The following TTLL5 variants were observed in gnomAD, a reference collection of about 807,000 sequenced individuals.
The protein encoded by TTLL5 is tubulin polyglutamylase TTLL5.
Under a neutral mutation model 168.4 loss-of-function variants are expected in TTLL5, and 132 were observed. The ratio of observed to expected loss-of-function variants is 0.78; its 90% CI spans 0.68 to 0.91. The LOEUF (loss-of-function observed/expected upper bound fraction) is 0.91. Among genes scored for constraint, TTLL5 ranks in the 40% least tolerant of loss-of-function variants. TTLL5 has a pLI of 0.00. For synonymous variants in TTLL5, 546 were observed against 558.6 expected, an observed-to-expected ratio of 0.98 and a Z score of 0.32; for missense variants, 1,545 against 1,581.5, an observed-to-expected ratio of 0.98 and a Z score of 0.39.
intron 31 of TTLL5, among the ~76,000 whole-genome samples, chr14:75,949,916 G>A (rs2034905243): frequency 6.6e-6 from 1 of 151,648 alleles, no homozygotes; most frequent in East Asian, 1.9e-4. Context: ...AAATTGATTT[G>A]TATATTTGAG....
chr14:75,685,010 A>G (rs1446686243), intron 5 of TTLL5: 2 of 152,222 alleles, frequency 1.3e-5, no homozygotes, highest in East Asian at 3.8e-4. Context: ...TTTTACTGAC[A>G]GAGCTTTTCC....
chr14:75,848,884 AG>A (rs1411249799), intron 28 of TTLL5, among the ~76,000 whole-genome samples: 2 of 152,180 alleles, frequency 1.3e-5, no homozygotes, highest in Non-Finnish European at 2.9e-5. Flanking sequence ...GCTTGCTCCC[AG>A]GGTCTCTGCC....
intron 3 of TTLL5, among the ~76,000 whole-genome samples, chr14:75,676,204 G>C (rs897682226): frequency 7.2e-5 from 11 of 152,112 alleles, no homozygotes; most frequent in Non-Finnish European, 1.6e-4. Flanking sequence ...CTCTTCTGGA[G>C]ACATCCTCAC....
chr14:75,839,751 A>G lies in TTLL5; in HGVS notation c.3326+19590A>G, dbSNP rs565322476. ...TGAGATTTGGGGAGGGGCACAACCA[A>G]ATCATATCACCATCCTAACGGGTGT... is the stretch of plus-strand genomic sequence containing the variant. On this transcript the variant is annotated intron_variant, in intron 28 of 31. Transcript: ENST00000298832. Among the ~76,000 whole-genome samples, 6 of 152,324 alleles carry G rather than the reference A, an allele frequency of 3.9e-5. No homozygotes were observed. The East Asian group carries it at 7.7e-4, about 20-fold the overall frequency.
rs115663494 is a variant in TTLL5, at chr14:75,717,492, T to C, written c.741-369T>C. 3.9e-3 allele frequency among the ~76,000 whole-genome samples: 599 copies of C among 152,320 alleles called. 4 individuals are homozygous for C. Among genetic ancestry groups the C allele is most frequent in the African/African-American group, 0.013 (555 of 41,566 alleles). On this transcript the variant is annotated intron_variant, in intron 9 of 31. Transcript: ENST00000298832. Reference sequence around the variant, plus strand: ...CAATTTCCCAGGTTGTAAATAGCTATATTTTCAATTTTCATTCTTCCTATT... The same window carrying C: ...CAATTTCCCAGGTTGTAAATAGCTACATTTTCAATTTTCATTCTTCCTATT...
intron 27 of TTLL5, among the ~76,000 whole-genome samples, chr14:75,811,790 G>C (rs1349073383): frequency 6.6e-6 from 1 of 152,142 alleles, no homozygotes; most frequent in South Asian, 2.1e-4. Context: ...CATACCAAAA[G>C]GTTATGTATC....
At chr14:75,953,998 C>T (rs2140228366) in intron 31 of TTLL5, among the ~76,000 whole-genome samples, 1 of 152,154 alleles carries the variant, frequency 6.6e-6, no homozygotes, top group East Asian at 1.9e-4. Flanking sequence ...CCTGTAATCC[C>T]AGCACTTTGG....
chr14:75,943,952 T>C (rs907439239), intron 31 of TTLL5, among the ~76,000 whole-genome samples: 1 of 152,228 alleles, frequency 6.6e-6, no homozygotes, highest in Non-Finnish European at 1.5e-5. Flanking sequence ...ACCCAGTTCA[T>C]TGAAGAGAGC....
chr14:75,779,377 A>G (rs919035272), intron 23 of TTLL5, among the ~76,000 whole-genome samples, 198 bp from the exon 24 acceptor site: 5 of 79,036 alleles, frequency 6.3e-5, no homozygotes, highest in African/African-American at 2.5e-4. Context: ...TCACTGCGGG[A>G]TGAATAAAGC....
chr14:75,733,903 T>G (rs1888717916), intron 13 of TTLL5, 86 bp from the exon 14 acceptor site: 2 of 1,278,530 alleles, frequency 1.6e-6, no homozygotes, highest in African/African-American at 3.0e-5. Flanking sequence ...ATTTGGAAAC[T>G]TTGCTATATT....
intron 18 of TTLL5, among the ~76,000 whole-genome samples, chr14:75,754,646 CT>C (rs1890138129): frequency 6.6e-6 from 1 of 152,084 alleles, no homozygotes; most frequent in Non-Finnish European, 1.5e-5. Flanking sequence ...ATGTGTGCCT[CT>C]TTGTTAACAT....
At position 75,707,655 on chromosome 14, in the gene TTLL5, G is replaced by A. The variant is rs769364804; in HGVS notation, c.688G>A (p.Val230Met). The part of the protein sequence containing the change: ...FKFDVRLYVL[V>M]TSYDPLVIYL... ...GTTTGACGTGCGCCTCTATGTGCTC[G>A]TGACTTCCTATGATCCTCTTGTCAT... Residue 230 changes from valine (V) to methionine (M), a missense_variant, in exon 9 of 32, where the codon GTG (valine) becomes ATG (methionine). Coordinates refer to ENST00000298832, the MANE Select transcript of TTLL5 (RefSeq NM_015072.5). 12 of 1,609,102 alleles carry A rather than the reference G, an allele frequency of 7.5e-6. No homozygotes were observed. Among genetic ancestry groups the A allele is most frequent in the Middle Eastern group, 1.6e-4 (1 of 6,070 alleles).
At chr14:75,788,164 T>A (rs1233050198) in intron 26 of TTLL5, among the ~76,000 whole-genome samples, 1 of 152,092 alleles carries the variant, frequency 6.6e-6, no homozygotes, top group South Asian at 2.1e-4. Context: ...TAAAAACTTA[T>A]ATTTGAAAAG....
At chr14:75,670,532 G>A (rs372222163) in intron 3 of TTLL5, among the ~76,000 whole-genome samples, 5 of 152,242 alleles carry the variant, frequency 3.3e-5, no homozygotes, top group African/African-American at 1.2e-4. Flanking sequence ...TTACATTCCC[G>A]TCAACAACGT....
chr14:75,711,722 G>A (rs1222941333), intron 9 of TTLL5: 1 of 152,160 alleles, frequency 6.6e-6, no homozygotes, highest in African/African-American at 2.4e-5. Context: ...TTATTCAGTG[G>A]AAATTCAGAA....
At chr14:75,735,670 T>C (rs1888845317) in intron 15 of TTLL5, among the ~76,000 whole-genome samples, 1 of 152,254 alleles carries the variant, frequency 6.6e-6, no homozygotes, top group African/African-American at 2.4e-5. Flanking sequence ...GTAAAGAAGA[T>C]GCTTTGTTGA....
At chr14:75,936,988 A>G (rs540569662) in intron 31 of TTLL5, among the ~76,000 whole-genome samples, 1 of 152,376 alleles carries the variant, frequency 6.6e-6, no homozygotes, top group African/African-American at 2.4e-5. Flanking sequence ...AGCACTTTAT[A>G]TAACACTGGA....
chr14:75,833,184 C>T (rs1849575532), intron 28 of TTLL5, among the ~76,000 whole-genome samples: 1 of 152,176 alleles, frequency 6.6e-6, no homozygotes, highest in Non-Finnish European at 1.5e-5. Flanking sequence ...CCCTAGCCTC[C>T]TCCCTCTTTC....
intron 29 of TTLL5, among the ~76,000 whole-genome samples, chr14:75,869,013 A>AGTGTGTGT (rs3138589): frequency 0.032 from 3,974 of 124,414 alleles, 128 homozygotes; most frequent in African/African-American, 0.074. Context: ...AGAGGGGAGG[A>AGTGTGTGT]GTGTGTGTGT....
Sources: gnomAD v4.1 joint callset for allele counts (sites outside exome capture counted in the v4.1 genomes callset) on GRCh38, gnomAD v4.1.1 for gene constraint, MANE v1.5 for transcripts, NCBI Gene and HGNC (gene_info 2026-07-23, HGNC 2026-07-21) for gene names.